Variants in DCAF5 observed in about 807,000 individuals in gnomAD.
DCAF5 encodes the protein DDB1- and CUL4-associated factor 5.
In DCAF5, 9 loss-of-function variants were observed where a neutral mutation model predicts 80.7. The ratio of observed to expected loss-of-function variants is 0.11; its 90% CI spans 0.07 to 0.19. The LOEUF is 0.19. Among genes scored for constraint, DCAF5 ranks in the 10% least tolerant of loss-of-function variants. DCAF5 has a pLI of 1.00. For synonymous variants in DCAF5, 433 were observed against 461.9 expected (o/e 0.94, Z 0.80); for missense variants, 842 against 1,205.7 (o/e 0.70, Z 4.47).
chr14:69,101,076 CTGGAGGAGA>C (rs2039936125), intron 5 of DCAF5, among the ~76,000 whole-genome samples: 1 of 152,162 alleles, frequency 6.6e-6, no homozygotes, highest in African/African-American at 2.4e-5. Flanking sequence ...CTATGTTACA[CTGGAGGAGA>C]CCAAGGTCCT....
At chr14:69,145,307 T>C (rs957210334) in intron 1 of DCAF5, among the ~76,000 whole-genome samples, 1 of 152,148 alleles carries the variant, frequency 6.6e-6, no homozygotes. Flanking sequence ...TGTGAGCTAC[T>C]GCACCTGGCC....
chr14:69,070,151 G>T (rs1442755371), intron 7 of DCAF5, among the ~76,000 whole-genome samples: 1 of 152,148 alleles, frequency 6.6e-6, no homozygotes, highest in East Asian at 1.9e-4. Context: ...TAAATAAGAA[G>T]GTCTTAGAGT....
chr14:69,095,881 C>T (rs1438137061), intron 5 of DCAF5, among the ~76,000 whole-genome samples: 1 of 152,166 alleles, frequency 6.6e-6, no homozygotes, highest in East Asian at 1.9e-4. Flanking sequence ...TCTATAAGAC[C>T]GGTGGAATGC....
At chr14:69,077,463 A>C (rs1036996313) in intron 6 of DCAF5, among the ~76,000 whole-genome samples, 3 of 152,002 alleles carry the variant, frequency 2.0e-5, no homozygotes, top group African/African-American at 7.3e-5. Context: ...TGCTCACTGC[A>C]GCCTCGACCT....
chr14:69,066,325 T>C (rs1437066720), intron 7 of DCAF5, among the ~76,000 whole-genome samples: 2 of 151,974 alleles, frequency 1.3e-5, no homozygotes, highest in African/African-American at 4.8e-5. Context: ...TTAGTAGAGA[T>C]GGGGTTTCAC....
intron 1 of DCAF5, among the ~76,000 whole-genome samples, chr14:69,132,829 A>C (rs1468392703): frequency 6.6e-6 from 1 of 152,234 alleles, no homozygotes; most frequent in African/African-American, 2.4e-5. Context: ...ACACAGGTTC[A>C]ACTCTCAATG....
intron 6 of DCAF5, chr14:69,085,151 T>C: frequency 6.6e-6 from 5 of 753,370 alleles, no homozygotes; most frequent in Non-Finnish European, 9.8e-6. Context: ...AAACCTACGA[T>C]TCCCATTCTC....
rs1227636371 is a variant in DCAF5 at position 69,151,736 on chromosome 14, ACCT to A, written c.214+1026_214+1028del. On this transcript the variant is annotated intron_variant, in intron 1 of 8. Coordinates refer to ENST00000341516, the MANE Select transcript of DCAF5 (RefSeq NM_003861.3). Reference sequence around the variant, plus strand: ...GAGCGCCCCCACCGGCAGCAGGCGCACCTCCCCAGGGGCAGCTGTCGCCGCGGC... The same window carrying A: ...GAGCGCCCCCACCGGCAGCAGGCGCACCCCAGGGGCAGCTGTCGCCGCGGC... Among the ~76,000 whole-genome samples the A allele has an allele frequency of 1.5e-4, 22 of 151,356 alleles. No individual in the cohort carries two copies. In the South Asian group the frequency reaches 4.6e-3, roughly 32 times the overall value.
chr14:69,083,042 T>C (rs1277102960), intron 6 of DCAF5, among the ~76,000 whole-genome samples: 1 of 152,212 alleles, frequency 6.6e-6, no homozygotes, highest in African/African-American at 2.4e-5. Context: ...AACTGAACGA[T>C]TACAAACCAG....
chr14:69,141,037 G>A (rs1192593511), intron 1 of DCAF5, among the ~76,000 whole-genome samples: 1 of 151,524 alleles, frequency 6.6e-6, no homozygotes, highest in Non-Finnish European at 1.5e-5. Flanking sequence ...TACAGGCTGA[G>A]GCAGGAGAAT....
chr14:69,128,466 G>A (rs765908952), intron 1 of DCAF5, among the ~76,000 whole-genome samples: 9 of 152,166 alleles, frequency 5.9e-5, no homozygotes, highest in African/African-American at 1.7e-4. Flanking sequence ...GATTACAGGC[G>A]TGAGCCTGGC....
Position 69,152,549 on chromosome 14 carries a change from C to T in DCAF5, c.214+216G>A. ...ACTTGGGATAAAGCGAATTAAGGAG[C>T]TGTCAACCATTTTAGGTCTTTTTTA... On this transcript the variant is annotated intron_variant, in intron 1 of 8. Coordinates refer to ENST00000341516, the MANE Select transcript of DCAF5 (RefSeq NM_003861.3). This position sits in a 1 kb window ranked among gnomAD's most constrained non-coding sequence, Gnocchi z 4.1. 3.5e-6 allele frequency: 2 copies of T among 576,128 alleles called. No homozygotes were observed. Among genetic ancestry groups the T allele is most frequent in the Non-Finnish European group, 6.2e-6 (2 of 322,262 alleles). 35.7% of individuals were successfully genotyped at this position (576,128 alleles called of 1,614,324 possible). A position where few individuals can be genotyped will look rare whatever the true frequency, so the allele number is the denominator to read the frequency against.
chr14:69,109,312 C>T (rs72720208), intron 5 of DCAF5, among the ~76,000 whole-genome samples: 7,404 of 150,380 alleles, frequency 0.049, 217 homozygotes, highest in Middle Eastern at 0.12. Flanking sequence ...CCACTCTAGC[C>T]TGGGAGACAG....
At chr14:69,130,107 A>G (rs1457138216) in intron 1 of DCAF5, among the ~76,000 whole-genome samples, 1 of 152,208 alleles carries the variant, frequency 6.6e-6, no homozygotes, top group Non-Finnish European at 1.5e-5. Context: ...ACACTATAAC[A>G]AAGTAATTAT....
At chr14:69,140,420 A>T (rs766964255) in intron 1 of DCAF5, among the ~76,000 whole-genome samples, 3 of 152,176 alleles carry the variant, frequency 2.0e-5, no homozygotes, top group Non-Finnish European at 4.4e-5. Context: ...TATCCCAAAA[A>T]ATTAAGCCTA....
chr14:69,094,925 T>G (rs997967161), intron 5 of DCAF5, among the ~76,000 whole-genome samples: 1 of 152,116 alleles, frequency 6.6e-6, no homozygotes, highest in East Asian at 1.9e-4. Context: ...AACCACACTG[T>G]GAGAAACATG....
At chr14:69,062,720 T>C (rs1214647274) in intron 7 of DCAF5, among the ~76,000 whole-genome samples, 1 of 152,216 alleles carries the variant, frequency 6.6e-6, no homozygotes, top group South Asian at 2.1e-4. Flanking sequence ...AGCCTTTATT[T>C]AGCCTTTAAG....
chr14:69,145,452 C>T (rs1882126981), intron 1 of DCAF5, among the ~76,000 whole-genome samples: 1 of 152,060 alleles, frequency 6.6e-6, no homozygotes, highest in Non-Finnish European at 1.5e-5. Flanking sequence ...CAAAGATTAT[C>T]TAAATTCATC....
chr14:69,091,367 C>A (rs1231018091), intron 6 of DCAF5, among the ~76,000 whole-genome samples: 1 of 151,992 alleles, frequency 6.6e-6, no homozygotes, highest in Non-Finnish European at 1.5e-5. Context: ...TCCATGGATT[C>A]CCTCTCCTTT....
Sources: gnomAD v4.1 joint callset for allele counts (sites outside exome capture counted in the v4.1 genomes callset) on GRCh38, gnomAD v4.1.1 for gene constraint, Gnocchi (gnomAD v3.1) non-coding constraint, MANE v1.5 for transcripts, NCBI Gene and HGNC (gene_info 2026-07-23, HGNC 2026-07-21) for gene names.